Variants in ALS2CL observed in about 807,000 individuals in gnomAD.
The protein encoded by ALS2CL is ALS2 C-terminal like.
In ALS2CL, 112 loss-of-function variants were observed where a neutral mutation model predicts 127.9. The observed-to-expected ratio is 0.88, with a 90% confidence interval of 0.75 to 1.02. The LOEUF is 1.02. Ranked by LOEUF, ALS2CL falls within the 50% of genes least tolerant of loss-of-function variation. The pLI is 0.00. For missense variants in ALS2CL, 1,174 were observed against 1,236.7 expected, an observed-to-expected ratio of 0.95 and a Z score of 0.76; for synonymous variants, 519 against 527.6, an observed-to-expected ratio of 0.98 and a Z score of 0.22.
Position 46,672,202 on chromosome 3 carries a change from C to T in ALS2CL, c.2473-1G>A. The T allele has an allele frequency of 6.2e-7, 1 of 1,614,036 alleles. No individual in the cohort carries two copies. Among genetic ancestry groups the T allele is most frequent in the South Asian group, 1.1e-5 (1 of 91,066 alleles). On this transcript the variant is annotated splice_acceptor_variant, in intron 22 of 25. Transcript: ENST00000318962. LOFTEE classifies it high-confidence loss of function. The stretch of plus-strand genomic sequence containing the variant: ...ACTTGTCCCTGACCAGGGAGTACCT[C>T]TGCATGGTGGAGGGAGTGGGCTGGA...
Position 46,681,900 on chromosome 3 carries a change from G to T in ALS2CL, c.1175+129C>A. On this transcript the variant is annotated intron_variant, in intron 11 of 25. Coordinates refer to ENST00000318962, the MANE Select transcript of ALS2CL (RefSeq NM_147129.5). This position sits in a 1 kb window ranked among gnomAD's most constrained non-coding sequence, Gnocchi z 4.9. Reference sequence around the variant, plus strand: ...TGGTACAGTGGGCGGGGGCTGGACCGGATTGTCTCTAAGTTCCTGCTTGAG... The same window carrying T: ...TGGTACAGTGGGCGGGGGCTGGACCTGATTGTCTCTAAGTTCCTGCTTGAG... 1 of 1,202,950 alleles carries T rather than the reference G, an allele frequency of 8.3e-7. No individual in the cohort carries two copies. The highest frequency in any genetic ancestry group is 1.2e-6 in the Non-Finnish European group (1 of 845,016). The allele number at this position is 1,202,950 out of a possible 1,614,324, so 74.5% of individuals were successfully genotyped here.
At chr3:46,688,573 G>T (rs12496585) in intron 2 of ALS2CL, among the ~76,000 whole-genome samples, 42,585 of 152,032 alleles carry the variant, frequency 0.28, 6,231 homozygotes, top group African/African-American at 0.36. Context: ...CAGCCTCAGG[G>T]AACTAAGTAC....
At position 46,671,483 on chromosome 3, in the gene ALS2CL, C is replaced by T. The variant is rs1162690260; in HGVS notation, c.2781+5G>A. On this transcript the variant is annotated splice_donor_5th_base_variant and intron_variant, in intron 25 of 25. Transcript: ENST00000318962. The stretch of plus-strand genomic sequence containing the variant: ...CCACCTCGGTCCACAGCCCCTGTCC[C>T]TTACCTCCAGGGCTGTGAGCAGGAA... 1 of 1,613,892 alleles carries T rather than the reference C, an allele frequency of 6.2e-7. No homozygotes were observed. Among genetic ancestry groups the T allele is most frequent in the African/African-American group, 1.3e-5 (1 of 74,928 alleles).
rs763527960 is a variant in ALS2CL at position 46,676,600 on chromosome 3, G to A, written c.2028+42C>T. 6.2e-6 allele frequency: 10 copies of A among 1,601,504 alleles called. No homozygotes were observed. The East Asian group carries it at 6.7e-5, about 11-fold the overall frequency. Reference sequence around the variant, plus strand: ...TGGGAGCCCTTCCCCACCAGGGACAGTGACAATGTCACCCCCTTGGCCACC... The same window carrying A: ...TGGGAGCCCTTCCCCACCAGGGACAATGACAATGTCACCCCCTTGGCCACC... On this transcript the variant is annotated intron_variant, in intron 18 of 25. Transcript: ENST00000318962.
intron 20 of ALS2CL, chr3:46,674,973 T>C (rs1029407870): frequency 4.5e-5 from 20 of 447,232 alleles, no homozygotes; most frequent in African/African-American, 4.0e-4. Flanking sequence ...GGGGCAGGAG[T>C]TGGATCCCCA....
At chr3:46,680,862 G>T (rs868566387) in intron 13 of ALS2CL, 1 of 526,142 alleles carries the variant, frequency 1.9e-6, no homozygotes, top group Non-Finnish European at 3.4e-6. Flanking sequence ...GTCCAGAAAG[G>T]CTGGAGGGGT....
chr3:46,685,524 C>T lies in ALS2CL; in HGVS notation c.786+1G>A, dbSNP rs1172711595. 2.5e-6 allele frequency: 4 copies of T among 1,613,408 alleles called. No homozygotes were observed. In the African/African-American group the frequency reaches 4.0e-5, roughly 16 times the overall value. On this transcript the variant is annotated splice_donor_variant, in intron 7 of 25. Transcript: ENST00000318962. LOFTEE classifies it high-confidence loss of function. The stretch of plus-strand genomic sequence containing the variant: ...AGACCTTGGGTCAGCCCCACCCCAA[C>T]CTGCAGCAGGACGAGGGCATCATCA...
At chr3:46,672,273 C>T (rs935414956) in intron 22 of ALS2CL, 72 bp from the exon 23 acceptor site, 7 of 1,569,122 alleles carry the variant, frequency 4.5e-6, no homozygotes, top group South Asian at 1.1e-5. Context: ...TTCCCAGGGC[C>T]GGGCCTGAGT....
chr3:46,685,255 G>GA (rs1465025876), intron 7 of ALS2CL, among the ~76,000 whole-genome samples: 1 of 152,198 alleles, frequency 6.6e-6, no homozygotes, highest in Non-Finnish European at 1.5e-5. Flanking sequence ...TTCCCGATGG[G>GA]AAAACGAAGG....
rs552970063 is a variant in ALS2CL at position 46,682,775 on chromosome 3, G to A, written c.1109+355C>T. 3.3e-5 allele frequency among the ~76,000 whole-genome samples: 5 copies of A among 152,324 alleles called. No homozygotes were observed. In the East Asian group the frequency reaches 7.7e-4, roughly 24 times the overall value. On this transcript the variant is annotated intron_variant, in intron 10 of 25. Transcript: ENST00000318962. Reference sequence around the variant, plus strand: ...ACTCCATACAGAGCGTCTTCATGAGGACCGATGGAGATAGAATGTGTGCAA... The same window carrying A: ...ACTCCATACAGAGCGTCTTCATGAGAACCGATGGAGATAGAATGTGTGCAA...
At chr3:46,682,584 G>C (rs1189414519) in intron 10 of ALS2CL, among the ~76,000 whole-genome samples, 1 of 152,186 alleles carries the variant, frequency 6.6e-6, no homozygotes, top group African/African-American at 2.4e-5. Context: ...TGTTTTCCCA[G>C]CTGTGGCATG....
Position 46,670,694 on chromosome 3 carries a change from G to A in ALS2CL, c.*290C>T. On this transcript the variant is annotated 3_prime_UTR_variant, in exon 26 of 26. Coordinates refer to ENST00000318962, the MANE Select transcript of ALS2CL (RefSeq NM_147129.5). The surrounding 1 kb of genome is among the most constrained non-coding windows in gnomAD (Gnocchi z 5.5). Reference sequence around the variant, plus strand: ...CTCTGGAACTTGGGAGAAAGGCTCAGGCTAAGAGAAGCCAGGGACTCCTCA... The same window carrying A: ...CTCTGGAACTTGGGAGAAAGGCTCAAGCTAAGAGAAGCCAGGGACTCCTCA... The A allele has an allele frequency of 4.9e-6, 2 of 410,496 alleles. No homozygotes were observed. Among genetic ancestry groups the A allele is most frequent in the South Asian group, 5.3e-5 (2 of 37,544 alleles). 25.4% of individuals were successfully genotyped at this position (410,496 alleles called of 1,614,324 possible). A position where few individuals can be genotyped will look rare whatever the true frequency, so the allele number is the denominator to read the frequency against.
At position 46,678,334 on chromosome 3, in the gene ALS2CL, G is replaced by A. The variant is rs772992376; in HGVS notation, c.1682C>T (p.Ala561Val). The A allele has an allele frequency of 1.2e-6, 2 of 1,613,294 alleles. No homozygotes were observed. Among genetic ancestry groups the A allele is most frequent in the Non-Finnish European group, 1.7e-6 (2 of 1,179,636 alleles). Residue 561 changes from alanine to valine, a missense_variant, in exon 16 of 26, where the codon GCA (alanine) becomes GTA (valine). Transcript: ENST00000318962. The stretch of plus-strand genomic sequence containing the variant: ...ACCCTGTGTGTGCAGTCCTCTCCCT[G>A]CCCCACTGCCGAACGAGCCCTCCAG... Reference protein sequence around the residue: ...FTLEGSFGSGAGRGLHTQGVL... With the variant: ...FTLEGSFGSGVGRGLHTQGVL...
intron 4 of ALS2CL, 48 bp from the exon 5 acceptor site, chr3:46,687,196 C>T (rs1408905671): frequency 6.8e-7 from 1 of 1,468,004 alleles, no homozygotes; most frequent in Admixed American, 2.4e-5. Context: ...TCCTCCATTC[C>T]TGCACCCACA....
At chr3:46,688,484 C>G (rs965788526) in intron 2 of ALS2CL, among the ~76,000 whole-genome samples, 188 bp from the exon 3 acceptor site, 2 of 152,156 alleles carry the variant, frequency 1.3e-5, no homozygotes, top group African/African-American at 4.8e-5. Context: ...AGGGGAAGGG[C>G]AGGCTGGAGC....
At chr3:46,688,410 A>T in intron 2 of ALS2CL, 114 bp from the exon 3 acceptor site, 1 of 1,014,378 alleles carries the variant, frequency 9.9e-7, no homozygotes, top group Non-Finnish European at 1.4e-6. Flanking sequence ...CCAGCCCTGG[A>T]GCTGCAGCAG....
At position 46,685,221 on chromosome 3, in the gene ALS2CL, A is replaced by G. The variant is rs142272353; in HGVS notation, c.786+304T>C. On this transcript the variant is annotated intron_variant, in intron 7 of 25. Transcript: ENST00000318962. ...GTTGTCTGGTGTCTACTGTAGAACA[A>G]ACTCACTCACAATGACCCCCACATT... Among the ~76,000 whole-genome samples the G allele has an allele frequency of 5.9e-5, 9 of 152,292 alleles. 1 individual carries two copies. In the East Asian group the frequency reaches 1.7e-3, roughly 29 times the overall value.
chr3:46,678,174 C>T, intron 16 of ALS2CL, 85 bp downstream of exon 16: 2 of 1,355,602 alleles, frequency 1.5e-6, no homozygotes, highest in East Asian at 2.6e-5. Context: ...TGCAAAAAGG[C>T]CCCTCTGAGG....
intron 1 of ALS2CL, among the ~76,000 whole-genome samples, chr3:46,692,003 A>C (rs2106756513): frequency 6.6e-6 from 1 of 151,830 alleles, no homozygotes; most frequent in East Asian, 1.9e-4. Context: ...AGTCCTCCAG[A>C]CTCAAGTTGG....
Sources: gnomAD v4.1 joint callset for allele counts (sites outside exome capture counted in the v4.1 genomes callset) on GRCh38, gnomAD v4.1.1 for gene constraint, Gnocchi (gnomAD v3.1) non-coding constraint, MANE v1.5 for transcripts, NCBI Gene and HGNC (gene_info 2026-07-23, HGNC 2026-07-21) for gene names.